Variants in TMC7 observed in about 807,000 individuals in gnomAD.
The protein encoded by TMC7 is transmembrane channel like 7.
In TMC7, 54 loss-of-function variants were observed where a neutral mutation model predicts 82.9. That is an observed-to-expected ratio of 0.65 (90% confidence interval 0.52 to 0.82). TMC7 has a LOEUF of 0.82. TMC7 is among the 40% of genes least tolerant of loss of function. TMC7 has a pLI of 0.00. For missense variants in TMC7, 820 were observed against 901.2 expected (o/e 0.91, Z 1.15); for synonymous variants, 350 against 337.9 (o/e 1.04, Z -0.39).
At chr16:19,024,476 G>A (rs755050928) in intron 5 of TMC7, among the ~76,000 whole-genome samples, 16 of 152,140 alleles carry the variant, frequency 1.1e-4, no homozygotes, top group Non-Finnish European at 2.2e-4. Context: ...CATCAAATAA[G>A]ATTGCAGCTA....
chr16:19,046,910 A>G (rs1961298993), intron 11 of TMC7, among the ~76,000 whole-genome samples, 153 bp from the exon 12 acceptor site: 1 of 152,052 alleles, frequency 6.6e-6, no homozygotes, highest in South Asian at 2.1e-4. Flanking sequence ...CCTGATCTTA[A>G]TGATTCCAGA....
intron 14 of TMC7, among the ~76,000 whole-genome samples, chr16:19,057,569 G>A (rs749434103): frequency 6.6e-6 from 1 of 152,258 alleles, no homozygotes; most frequent in Admixed American, 6.5e-5. Context: ...TGACTTGGGG[G>A]AGCTGTGCAG....
At chr16:19,044,576 G>A (rs1961173451) in intron 9 of TMC7, among the ~76,000 whole-genome samples, 1 of 151,852 alleles carries the variant, frequency 6.6e-6, no homozygotes, top group Admixed American at 6.6e-5. Flanking sequence ...AAGACAGGCG[G>A]ATTGCTTGGG....
chr16:19,027,299 T>C (rs899730893), intron 5 of TMC7, among the ~76,000 whole-genome samples: 17 of 151,864 alleles, frequency 1.1e-4, no homozygotes, highest in African/African-American at 4.1e-4. Flanking sequence ...ACCCGTGACC[T>C]CAAGTGATCT....
intron 1 of TMC7, among the ~76,000 whole-genome samples, chr16:19,004,873 T>G (rs1156926868): frequency 6.8e-6 from 1 of 147,892 alleles, no homozygotes; most frequent in Non-Finnish European, 1.5e-5. Flanking sequence ...GTCTTTTGGG[T>G]TTTTTTTTTC....
intron 14 of TMC7, among the ~76,000 whole-genome samples, chr16:19,057,947 A>ATT (rs35330440): frequency 0.15 from 21,238 of 146,208 alleles, 1,655 homozygotes; most frequent in African/African-American, 0.2. Flanking sequence ...CCAGCAGTTG[A>ATT]TTTTTTTTTT....
In TMC7 at chr16:18,984,335, G is replaced by C. The variant is rs552777497; in HGVS notation, c.67+205G>C. 14 of 1,298,300 alleles carry C rather than the reference G, an allele frequency of 1.1e-5. No homozygotes were observed. In the Admixed American group the frequency reaches 5.5e-4, roughly 51 times the overall value. 80.4% of individuals were successfully genotyped at this position (1,298,300 alleles called of 1,614,324 possible). A position where few individuals can be genotyped will look rare whatever the true frequency, so the allele number is the denominator to read the frequency against. Reference sequence around the variant, plus strand: ...AAACGCGTCCTCATCCAATCCAGTGGAACCCAGCCGGGCCAAAAGGACACG... The same window carrying C: ...AAACGCGTCCTCATCCAATCCAGTGCAACCCAGCCGGGCCAAAAGGACACG... On this transcript the variant is annotated intron_variant, in intron 1 of 15. Coordinates refer to ENST00000304381, the MANE Select transcript of TMC7 (RefSeq NM_024847.4).
At chr16:19,005,162 C>T (rs1242796521) in intron 1 of TMC7, among the ~76,000 whole-genome samples, 1 of 151,874 alleles carries the variant, frequency 6.6e-6, no homozygotes, top group Non-Finnish European at 1.5e-5. Flanking sequence ...AATCTTGGCT[C>T]ACCACAAGCT....
chr16:19,017,631 G>A (rs1408565116), intron 3 of TMC7, among the ~76,000 whole-genome samples: 1 of 150,112 alleles, frequency 6.7e-6, no homozygotes, highest in African/African-American at 2.4e-5. Context: ...ACCAGCCTGG[G>A]TAACAAAGTT....
At chr16:19,000,014 C>A (rs962267421) in intron 1 of TMC7, among the ~76,000 whole-genome samples, 2 of 151,986 alleles carry the variant, frequency 1.3e-5, no homozygotes, top group African/African-American at 4.8e-5. Context: ...CCACCCGCCT[C>A]AGCCTCCCAA....
At chr16:19,006,332 G>A (rs952027602) in intron 1 of TMC7, among the ~76,000 whole-genome samples, 3 of 152,000 alleles carry the variant, frequency 2.0e-5, no homozygotes, top group South Asian at 2.1e-4. Flanking sequence ...TTACAGGCAC[G>A]CGCTAGCGTG....
At chr16:19,004,176 T>TA (rs2039194441) in intron 1 of TMC7, among the ~76,000 whole-genome samples, 1 of 152,126 alleles carries the variant, frequency 6.6e-6, no homozygotes, top group Admixed American at 6.6e-5. Flanking sequence ...ATCCTAGTTA[T>TA]AAAAATAATG....
chr16:19,047,746 T>A (rs565448405), intron 12 of TMC7, among the ~76,000 whole-genome samples: 1 of 144,636 alleles, frequency 6.9e-6, no homozygotes, highest in Non-Finnish European at 1.5e-5. Flanking sequence ...AGAGTCTCGC[T>A]CTGTCATCCA....
At chr16:19,015,738 T>C (rs944333904) in intron 2 of TMC7, among the ~76,000 whole-genome samples, 5 of 151,912 alleles carry the variant, frequency 3.3e-5, no homozygotes, top group Non-Finnish European at 7.4e-5. Context: ...CCACCATGCC[T>C]GGCTAATTTG....
intron 1 of TMC7, among the ~76,000 whole-genome samples, chr16:18,991,755 G>T (rs1283162763): frequency 3.3e-5 from 5 of 151,982 alleles, no homozygotes; most frequent in Admixed American, 1.3e-4. Flanking sequence ...CGCACAAGAG[G>T]CCCCGGTGTG....
intron 2 of TMC7, among the ~76,000 whole-genome samples, chr16:19,015,428 G>C (rs1039888436): frequency 6.6e-6 from 1 of 151,790 alleles, no homozygotes; most frequent in Non-Finnish European, 1.5e-5. Flanking sequence ...TGCCTGGCCC[G>C]TCATTCCTTT....
chr16:19,018,643 A>C (rs1337394346), intron 3 of TMC7, among the ~76,000 whole-genome samples: 2 of 152,096 alleles, frequency 1.3e-5, no homozygotes, highest in East Asian at 3.9e-4. Context: ...AGTTGTGCCA[A>C]AATACAAAAT....
At chr16:19,033,913 A>G (rs78430374) in intron 6 of TMC7, 1 of 152,216 alleles carries the variant, frequency 6.6e-6, no homozygotes, top group Non-Finnish European at 1.5e-5. Context: ...ATGACTGATC[A>G]TAACAATTCC....
At position 18,987,766 on chromosome 16, in the gene TMC7, C is replaced by T. The variant is rs373990502; in HGVS notation, c.67+3636C>T. Among the ~76,000 whole-genome samples, 23 of 152,130 alleles carry T rather than the reference C, an allele frequency of 1.5e-4. No homozygotes were observed. The East Asian group carries it at 3.3e-3, about 22-fold the overall frequency. ...GTGTCCTTGCAGCCACACTGGCAGC[C>T]GTAACATAGTGGTTATAAAGCTAGA... On this transcript the variant is annotated intron_variant, in intron 1 of 15. Transcript: ENST00000304381.
Sources: allele counts gnomAD v4.1 joint callset (sites outside exome capture counted in the v4.1 genomes callset), GRCh38; gene constraint gnomAD v4.1.1; transcripts MANE v1.5; gene names NCBI Gene and HGNC (gene_info 2026-07-23, HGNC 2026-07-21).